HEBP1: variants seen among roughly 807,000 people sequenced by gnomAD.
HEBP1 encodes heme-binding protein 1.
In HEBP1, 13 loss-of-function variants were observed where a neutral mutation model predicts 20.4. The observed-to-expected ratio is 0.64, with a 90% confidence interval of 0.42 to 1.01. The LOEUF (loss-of-function observed/expected upper bound fraction) is 1.01. Ranked by LOEUF, HEBP1 falls within the 50% of genes least tolerant of loss-of-function variation. The pLI, the probability that HEBP1 is intolerant of heterozygous loss-of-function variation, is 0.00. For synonymous variants in HEBP1, 92 were observed against 90.7 expected (o/e 1.01, Z -0.08); for missense variants, 241 against 247.3 (o/e 0.97, Z 0.17).
intron 1 of HEBP1, among the ~76,000 whole-genome samples, chr12:12,994,070 T>C (rs1274236516): frequency 1.3e-5 from 2 of 152,204 alleles, no homozygotes; most frequent in African/African-American, 4.8e-5. Context: ...ATTAATATGA[T>C]AGGGATAATC....
At position 12,996,294 on chromosome 12, in the gene HEBP1, T is replaced by G. The variant is rs1864289035; in HGVS notation, c.78+3743A>C. On this transcript the variant is annotated intron_variant, in intron 1 of 3. Transcript: ENST00000014930. This position sits in a 1 kb window ranked among gnomAD's most constrained non-coding sequence, Gnocchi z 4.1. ...AAAGCCAGGCTATCAGGTCCTAACCTGTGTGCACAGGCCGGACACAAATCT... is the reference window on the plus strand; with the variant it reads ...AAAGCCAGGCTATCAGGTCCTAACCGGTGTGCACAGGCCGGACACAAATCT... 6.6e-6 allele frequency among the ~76,000 whole-genome samples: 1 copy of G among 152,222 alleles called. No homozygotes were observed. Among genetic ancestry groups the G allele is most frequent in the South Asian group, 2.1e-4 (1 of 4,834 alleles).
At chr12:12,999,977 G>T in intron 1 of HEBP1, 60 bp downstream of exon 1, 2 of 1,210,450 alleles carry the variant, frequency 1.7e-6, no homozygotes, top group South Asian at 2.6e-5. Context: ...CTGCAGCCCC[G>T]ACGAGGGTGG....
At position 12,989,291 on chromosome 12, in the gene HEBP1, C is replaced by T. The variant is rs778341967; in HGVS notation, c.203G>A (p.Gly68Asp). 3.1e-6 allele frequency: 5 copies of T among 1,613,908 alleles called. No homozygotes were observed. In the East Asian group the frequency reaches 8.9e-5, roughly 29 times the overall value. The change falls in exon 2 of 4, where the codon GGC becomes GAC. Residue 68 changes from glycine (G) to aspartate (D), a missense_variant. Coordinates refer to ENST00000014930, the MANE Select transcript of HEBP1 (RefSeq NM_015987.5). ...AMPKVAKYAG[G>D]TNDKGIGMGM... ...GGGGTACTCACCCTTGTCATTGGTG[C>T]CCCCCGCATACTTTGCGACCTTGGG...
At chr12:12,987,616 C>CTCTCTT (rs1864170293) in intron 2 of HEBP1, among the ~76,000 whole-genome samples, 2 of 148,614 alleles carry the variant, frequency 1.3e-5, no homozygotes, top group Admixed American at 6.7e-5. Flanking sequence ...CTCTCTTTCT[C>CTCTCTT]TCTCTCTCTC....
intron 3 of HEBP1, among the ~76,000 whole-genome samples, chr12:12,977,226 A>G (rs1864001551): frequency 1.3e-5 from 2 of 152,240 alleles, no homozygotes; most frequent in Non-Finnish European, 2.9e-5. Flanking sequence ...AAATAGGGAT[A>G]GTGATAACAT....
chr12:12,984,225 G>A, intron 3 of HEBP1: 1 of 154,008 alleles, frequency 6.5e-6, no homozygotes, highest in Non-Finnish European at 1.4e-5. Context: ...TAAACGAGGG[G>A]AAGTTTCTCT....
In HEBP1 at chr12:12,986,181, C is replaced by T. The variant is rs982446413; in HGVS notation, c.398+971G>A. On this transcript the variant is annotated intron_variant, in intron 3 of 3. Coordinates refer to ENST00000014930, the MANE Select transcript of HEBP1 (RefSeq NM_015987.5). This position sits in a 1 kb window ranked among gnomAD's most constrained non-coding sequence, Gnocchi z 4.3. ...GGAGCTGAGGCTCCGGTGCTAGCTC[C>T]CAGCTGCATTACATTCACTGTCCTC... 1 of 152,270 alleles carries T rather than the reference C, an allele frequency of 6.6e-6. No homozygotes were observed. The highest frequency in any genetic ancestry group is 6.5e-5 in the Admixed American group (1 of 15,288). The allele number at this position is 152,270 out of a possible 1,614,324, so 9.4% of individuals were successfully genotyped here.
rs1161340791 is a variant in HEBP1, at chr12:12,996,818, A to C, written c.78+3219T>G. On this transcript the variant is annotated intron_variant, in intron 1 of 3. Coordinates refer to ENST00000014930, the MANE Select transcript of HEBP1 (RefSeq NM_015987.5). The surrounding 1 kb of genome is among the most constrained non-coding windows in gnomAD (Gnocchi z 4.1). Reference sequence around the variant, plus strand: ...AGCTAACCATTACCATCTCCAACCAAGTACTAACATTGAACAGTTTTATAA... The same window carrying C: ...AGCTAACCATTACCATCTCCAACCACGTACTAACATTGAACAGTTTTATAA... Among the ~76,000 whole-genome samples the C allele has an allele frequency of 6.6e-6, 1 of 152,174 alleles. No homozygotes were observed. Among genetic ancestry groups the C allele is most frequent in the Non-Finnish European group, 1.5e-5 (1 of 68,044 alleles).
intron 3 of HEBP1, among the ~76,000 whole-genome samples, chr12:12,978,199 G>GC (rs1864021602): frequency 4.0e-5 from 3 of 75,058 alleles, no homozygotes; most frequent in African/African-American, 1.6e-4. Context: ...CTACGAAAGG[G>GC]TTTTTTTTTT....
chr12:12,993,512 TCTCTC>T (rs1864254000), intron 1 of HEBP1, among the ~76,000 whole-genome samples: 2 of 114,168 alleles, frequency 1.8e-5, no homozygotes, highest in African/African-American at 5.7e-5. Context: ...TCTCTCTCTC[TCTCTC>T]TTTCAGATGG....
At chr12:12,979,681 C>G (rs937353894) in intron 3 of HEBP1, 6 of 152,156 alleles carry the variant, frequency 3.9e-5, no homozygotes, top group Non-Finnish European at 8.8e-5. Context: ...AACGTGAAGT[C>G]TATACATTAT....
Position 12,987,150 on chromosome 12 carries a change from A to G in HEBP1, c.398+2T>C. The G allele has an allele frequency of 6.2e-7, 1 of 1,612,818 alleles. No individual in the cohort carries two copies. Among genetic ancestry groups the G allele is most frequent in the Non-Finnish European group, 8.5e-7 (1 of 1,178,986 alleles). The stretch of plus-strand genomic sequence containing the variant: ...TGGATGCCTGAAGGATTGTCTCCTT[A>G]CATGGAATAGACAGTGATGCCTTCC... On this transcript the variant is annotated splice_donor_variant, in intron 3 of 3. Transcript: ENST00000014930. LOFTEE classifies it high-confidence loss of function.
intron 3 of HEBP1, among the ~76,000 whole-genome samples, chr12:12,985,416 A>G (rs1043663579): frequency 6.6e-6 from 1 of 152,192 alleles, no homozygotes; most frequent in Non-Finnish European, 1.5e-5. Context: ...GGGGATGGGC[A>G]CATATGATTT....
intron 3 of HEBP1, 40 bp downstream of exon 3, chr12:12,987,112 C>T: frequency 6.4e-7 from 1 of 1,562,080 alleles, no homozygotes; most frequent in Non-Finnish European, 8.8e-7. Flanking sequence ...GTACGGGAAT[C>T]AAGCGCCACC....
rs1251633890 is a variant in HEBP1, at chr12:12,975,033, G to A, written c.*275C>T. The A allele has an allele frequency of 1.0e-5, 3 of 293,106 alleles. No homozygotes were observed. The East Asian group carries it at 2.2e-4, about 21-fold the overall frequency. The allele number at this position is 293,106 out of a possible 1,614,324, so 18.2% of individuals were successfully genotyped here. ...CAGTTTTTAGTGACCCAGATGCCTG[G>A]AGAAAAGCTGCCAGGATTTTTCTGG... On this transcript the variant is annotated 3_prime_UTR_variant, in exon 4 of 4. Coordinates refer to ENST00000014930, the MANE Select transcript of HEBP1 (RefSeq NM_015987.5).
chr12:12,989,377 G>A lies in HEBP1; in HGVS notation c.117C>T (p.Gly39=). Residue 39 remains glycine (G), a synonymous_variant, in exon 2 of 4, where the codon GGC becomes GGT. Coordinates refer to ENST00000014930, the MANE Select transcript of HEBP1 (RefSeq NM_015987.5). ...VAYEERACEG[G]KFATVEVTDK... Reference sequence around the variant, plus strand: ...CTGTCACTTCTACTGTGGCAAATTTGCCGCCTTCACAGGCCCTTTCTTCAT... The same window carrying A: ...CTGTCACTTCTACTGTGGCAAATTTACCGCCTTCACAGGCCCTTTCTTCAT... The A allele has an allele frequency of 6.2e-7, 1 of 1,614,216 alleles. No individual in the cohort carries two copies. The highest frequency in any genetic ancestry group is 8.5e-7 in the Non-Finnish European group (1 of 1,180,018).
At chr12:12,999,003 T>C (rs764438680) in intron 1 of HEBP1, among the ~76,000 whole-genome samples, 9 of 152,234 alleles carry the variant, frequency 5.9e-5, no homozygotes, top group Non-Finnish European at 1.3e-4. Context: ...CTCTGTTGTG[T>C]GCACTCCTAC....
chr12:12,975,334 T>C lies in HEBP1; in HGVS notation c.544A>G (p.Asn182Asp), dbSNP rs747053043. ...CATGTCTTCAACAGCCAGATCTCAT[T>C]GCGCCGTCCGTAGGGCTTCATGGGA... is the stretch of plus-strand genomic sequence containing the variant. Reference protein sequence around the residue: ...DPPMKPYGRRNEIWLLKT With the variant: ...DPPMKPYGRRDEIWLLKT Residue 182 changes from asparagine (N) to aspartate (D), a missense_variant, in exon 4 of 4, where the codon AAT becomes GAT. By Grantham distance (23) the Asn-to-Asp change is conservative (BLOSUM62 1). Coordinates refer to ENST00000014930, the MANE Select transcript of HEBP1 (RefSeq NM_015987.5). 5.0e-6 allele frequency: 8 copies of C among 1,613,984 alleles called. No homozygotes were observed. The South Asian group carries it at 8.8e-5, about 18-fold the overall frequency.
intron 3 of HEBP1, among the ~76,000 whole-genome samples, chr12:12,978,583 G>A (rs1864032004): frequency 6.6e-6 from 1 of 152,094 alleles, no homozygotes. Context: ...GGAGGGACAG[G>A]GGAAATGGCA....
Sources: allele counts gnomAD v4.1 joint callset (sites outside exome capture counted in the v4.1 genomes callset), GRCh38; gene constraint gnomAD v4.1.1; non-coding constraint Gnocchi (gnomAD v3.1); transcripts MANE v1.5; gene names NCBI Gene and HGNC (gene_info 2026-07-23, HGNC 2026-07-21).